Variants in DDC observed in about 807,000 individuals in gnomAD.
The protein encoded by DDC is aromatic-L-amino-acid decarboxylase.
DDC carries 43 observed loss-of-function variants against 60.0 expected under a neutral mutation model. The ratio of observed to expected loss-of-function variants is 0.72; its 90% CI spans 0.56 to 0.92. The LOEUF (loss-of-function observed/expected upper bound fraction) is 0.92. Among genes scored for constraint, DDC ranks in the 40% least tolerant of loss-of-function variants. The pLI is 0.00. For missense variants in DDC, 573 were observed against 620.2 expected (o/e 0.92, Z 0.81); for synonymous variants, 232 against 234.6 (o/e 0.99, Z 0.10).
chr7:50,493,171 G>A (rs977409545), intron 9 of DDC, among the ~76,000 whole-genome samples: 2 of 152,170 alleles, frequency 1.3e-5, no homozygotes, highest in African/African-American at 4.8e-5. Flanking sequence ...CTGTCGTGGG[G>A]GTCCAGAGAG....
At chr7:50,508,226 T>G (rs2043453181) in intron 6 of DDC, among the ~76,000 whole-genome samples, 1 of 152,216 alleles carries the variant, frequency 6.6e-6, no homozygotes, top group Admixed American at 6.5e-5. Flanking sequence ...CAGAAGCCAC[T>G]TTAAAGCCAG....
At chr7:50,497,705 C>G (rs1303355936) in intron 8 of DDC, among the ~76,000 whole-genome samples, 1 of 152,190 alleles carries the variant, frequency 6.6e-6, no homozygotes, top group Non-Finnish European at 1.5e-5. Flanking sequence ...ACTATACCCT[C>G]TCTCCAGTGC....
In DDC at chr7:50,494,591, G is replaced by GA. The variant is rs562491116; in HGVS notation, c.944+758dup. Among the ~76,000 whole-genome samples the GA allele has an allele frequency of 3.2e-3, 445 of 138,292 alleles. 4 individuals carry two copies. Among genetic ancestry groups the GA allele is most frequent in the African/African-American group, 9.8e-3 (368 of 37,676 alleles). The allele number at this position is 138,292 out of a possible 152,430, so 90.7% of individuals were successfully genotyped here. On this transcript the variant is annotated intron_variant, in intron 9 of 14. Transcript: ENST00000444124. ...GGGCGACAGAGTGAGACACTGTCTC[G>GA]AAAAAAAAAAAAGAGAGGAAGAAAA...
At chr7:50,548,072 T>C (rs1323749608) in intron 1 of DDC, among the ~76,000 whole-genome samples, 1 of 152,226 alleles carries the variant, frequency 6.6e-6, no homozygotes, top group East Asian at 1.9e-4. Context: ...GTAATTGTTT[T>C]GGGACAGCAT....
intron 14 of DDC, among the ~76,000 whole-genome samples, chr7:50,459,395 G>A (rs1431913643): frequency 1.3e-5 from 2 of 152,172 alleles, no homozygotes; most frequent in Non-Finnish European, 1.5e-5. Flanking sequence ...TGGGAAGTGC[G>A]GAGCGTCTCT....
At chr7:50,562,217 C>T (rs552987292) in intron 1 of DDC, among the ~76,000 whole-genome samples, 21 of 152,148 alleles carry the variant, frequency 1.4e-4, no homozygotes, top group African/African-American at 4.3e-4. Context: ...GGCTGCAGGG[C>T]GGGGACCTGG....
chr7:50,538,689 T>C (rs2044502687), intron 3 of DDC, among the ~76,000 whole-genome samples: 1 of 152,162 alleles, frequency 6.6e-6, no homozygotes. Context: ...GCCTGAGAGA[T>C]AGTGAGGCAC....
At chr7:50,546,812 A>T (rs2044821755) in intron 1 of DDC, among the ~76,000 whole-genome samples, 1 of 152,174 alleles carries the variant, frequency 6.6e-6, no homozygotes, top group Non-Finnish European at 1.5e-5. Flanking sequence ...GTAAGATTAG[A>T]CTCTAGATTA....
chr7:50,506,022 A>G (rs772364709), intron 6 of DDC, among the ~76,000 whole-genome samples: 1 of 152,228 alleles, frequency 6.6e-6, no homozygotes, highest in Non-Finnish European at 1.5e-5. Flanking sequence ...GGGTGGGGGA[A>G]AAACAGCGGC....
intron 6 of DDC, among the ~76,000 whole-genome samples, chr7:50,504,696 GGTGT>G (rs919079910): frequency 1.3e-5 from 2 of 151,712 alleles, no homozygotes; most frequent in Non-Finnish European, 1.5e-5. Flanking sequence ...AGTTTGGGGG[GGTGT>G]GTGTGTGTCT....
In DDC at chr7:50,495,429, C is replaced by A; in HGVS notation, c.877-12G>T. ...AATGAATCTGCAAACTGCCAAAGAA[C>A]AAGAGTAAGAAAAAGAAAACATTTT... On this transcript the variant is annotated splice_polypyrimidine_tract_variant and intron_variant, in intron 8 of 14. Coordinates refer to ENST00000444124, the MANE Select transcript of DDC (RefSeq NM_001082971.2). 2 of 1,596,468 alleles carry A rather than the reference C, an allele frequency of 1.3e-6. No individual in the cohort carries two copies. Among genetic ancestry groups the A allele is most frequent in the Non-Finnish European group, 8.6e-7 (1 of 1,165,136 alleles).
chr7:50,535,676 C>A (rs2044381241), intron 4 of DDC, among the ~76,000 whole-genome samples: 1 of 152,154 alleles, frequency 6.6e-6, no homozygotes. Context: ...TAGGAATAGG[C>A]ATTACAAGCA....
At chr7:50,543,852 C>A in intron 2 of DDC, 33 bp downstream of exon 2, 1 of 1,599,872 alleles carries the variant, frequency 6.3e-7, no homozygotes, top group Non-Finnish European at 8.6e-7. Flanking sequence ...GAGTTCTAGC[C>A]CTCCTGTTTT....
At chr7:50,563,000 C>A (rs1472867722) in intron 1 of DDC, among the ~76,000 whole-genome samples, 1 of 152,064 alleles carries the variant, frequency 6.6e-6, no homozygotes, top group Non-Finnish European at 1.5e-5. Context: ...AATCCCACCT[C>A]TACTAAAAAT....
intron 4 of DDC, among the ~76,000 whole-genome samples, chr7:50,529,593 A>T (rs1433844748): frequency 6.6e-6 from 1 of 152,142 alleles, no homozygotes; most frequent in Admixed American, 6.5e-5. Flanking sequence ...ATTTCTGACC[A>T]CTTCCCTGCG....
At chr7:50,549,981 T>C (rs1347856945) in intron 1 of DDC, among the ~76,000 whole-genome samples, 2 of 152,240 alleles carry the variant, frequency 1.3e-5, no homozygotes, top group Non-Finnish European at 2.9e-5. Flanking sequence ...GGATTTAGAA[T>C]ATTACATAAA....
intron 6 of DDC, among the ~76,000 whole-genome samples, chr7:50,519,755 G>A (rs953781029): frequency 6.6e-6 from 1 of 151,692 alleles, no homozygotes; most frequent in Non-Finnish European, 1.5e-5. Context: ...TGGGAGCGGG[G>A]GTGAGGAATA....
chr7:50,475,680 G>A (rs895309625), intron 11 of DDC, among the ~76,000 whole-genome samples: 12 of 131,458 alleles, frequency 9.1e-5, no homozygotes, highest in East Asian at 4.3e-4. Context: ...CCCACCACAC[G>A]TGGACACAGG....
At chr7:50,469,976 T>C (rs2042491639) in intron 12 of DDC, 97 bp downstream of exon 12, 1 of 741,982 alleles carries the variant, frequency 1.3e-6, no homozygotes, top group Non-Finnish European at 2.2e-6. Context: ...TGAAACTCTG[T>C]CTCAAAAAAA....
Sources: allele counts gnomAD v4.1 joint callset (sites outside exome capture counted in the v4.1 genomes callset), GRCh38; gene constraint gnomAD v4.1.1; transcripts MANE v1.5; gene names NCBI Gene and HGNC (gene_info 2026-07-23, HGNC 2026-07-21).